The following TMEM117 variants were observed in gnomAD, a reference collection of about 807,000 sequenced individuals.
TMEM117 encodes the protein transmembrane protein 117.
In TMEM117, 27 loss-of-function variants were observed where a neutral mutation model predicts 52.4. The ratio of observed to expected loss-of-function variants is 0.51; its 90% confidence interval spans 0.38 to 0.71. The LOEUF (loss-of-function observed/expected upper bound fraction) is 0.71. Among genes scored for constraint, TMEM117 ranks in the 30% least tolerant of loss-of-function variants. TMEM117 has a pLI of 0.00. For missense variants in TMEM117, 556 were observed against 630.5 expected (o/e 0.88, Z 1.26); for synonymous variants, 215 against 206.3 (o/e 1.04, Z -0.36).
intron 6 of TMEM117, among the ~76,000 whole-genome samples, chr12:44,371,166 C>T (rs551120133): frequency 2.4e-4 from 36 of 152,136 alleles, no homozygotes; most frequent in Non-Finnish European, 4.3e-4. Context: ...ATCTGAAATT[C>T]GGTTGCTAGG....
chr12:43,833,146 T>C (rs1207102214), upstream of TMEM117, among the ~76,000 whole-genome samples: 1 of 152,228 alleles, frequency 6.6e-6, no homozygotes, highest in African/African-American at 2.4e-5. Flanking sequence ...CTGAGGTTTC[T>C]CAACAATAAA....
chr12:43,886,823 C>G (rs746303769), intron 2 of TMEM117, among the ~76,000 whole-genome samples: 3 of 152,022 alleles, frequency 2.0e-5, no homozygotes, highest in Admixed American at 1.3e-4. Flanking sequence ...TGAATTGTTC[C>G]GCTCTATGTG....
At chr12:44,239,888 A>T (rs1302140954) in intron 5 of TMEM117, among the ~76,000 whole-genome samples, 1 of 152,018 alleles carries the variant, frequency 6.6e-6, no homozygotes, top group Non-Finnish European at 1.5e-5. Flanking sequence ...ACTTTTTTTT[A>T]AATTTCAGTT....
rs554972012 is a variant in TMEM117, at chr12:44,053,859, G to A, written c.411-89666G>A. On this transcript the variant is annotated intron_variant, in intron 3 of 7. Coordinates refer to ENST00000266534, the MANE Select transcript of TMEM117 (RefSeq NM_032256.3). Reference sequence around the variant, plus strand: ...CAAGGGCCTTAGTCAAAAGTGAGAGGAAGAATATTATTTTAACATCTTATT... The same window carrying A: ...CAAGGGCCTTAGTCAAAAGTGAGAGAAAGAATATTATTTTAACATCTTATT... Among the ~76,000 whole-genome samples, 3 of 152,244 alleles carry A rather than the reference G, an allele frequency of 2.0e-5. No individual in the cohort carries two copies. The South Asian group carries it at 6.2e-4, about 32-fold the overall frequency.
At chr12:44,309,329 C>G (rs543967122) in intron 6 of TMEM117, among the ~76,000 whole-genome samples, 1 of 152,146 alleles carries the variant, frequency 6.6e-6, no homozygotes, top group Non-Finnish European at 1.5e-5. Flanking sequence ...ACTACCCCAA[C>G]GGGCAGTTTC....
At chr12:43,928,756 C>A (rs1216559429) in intron 2 of TMEM117, among the ~76,000 whole-genome samples, 20 of 129,550 alleles carry the variant, frequency 1.5e-4, no homozygotes, top group Non-Finnish European at 2.7e-4. Context: ...CCCCCCACCC[C>A]ACAACAGTCC....
chr12:43,803,239 C>T, the TMEM117 span, among the ~76,000 whole-genome samples: 1 of 152,140 alleles, frequency 6.6e-6, no homozygotes, highest in African/African-American at 2.4e-5. Flanking sequence ...AAGATGGTAT[C>T]ATGCAGTTTA....
chr12:44,066,153 G>A (rs1467559104), intron 3 of TMEM117, among the ~76,000 whole-genome samples: 1 of 152,212 alleles, frequency 6.6e-6, no homozygotes, highest in African/African-American at 2.4e-5. Flanking sequence ...ATTGGCACCA[G>A]AGTAGGTTAC....
intron 7 of TMEM117, among the ~76,000 whole-genome samples, chr12:44,386,371 G>A (rs1425631251): frequency 6.6e-6 from 1 of 152,126 alleles, no homozygotes; most frequent in African/African-American, 2.4e-5. Flanking sequence ...TCATATCTGA[G>A]ACAACATTCC....
At chr12:44,035,733 T>C (rs567979896) in intron 3 of TMEM117, among the ~76,000 whole-genome samples, 6 of 152,326 alleles carry the variant, frequency 3.9e-5, no homozygotes, top group Middle Eastern at 3.4e-3. Context: ...CTGACAGTGC[T>C]GAAGTGTTGA....
intron 6 of TMEM117, among the ~76,000 whole-genome samples, chr12:44,329,732 A>G (rs1951243423): frequency 6.6e-6 from 1 of 152,020 alleles, no homozygotes; most frequent in African/African-American, 2.4e-5. Context: ...TGACTACTCT[A>G]TGTACCTCGT....
chr12:44,276,890 T>TTGTGTGTG (rs1393191637), intron 5 of TMEM117, among the ~76,000 whole-genome samples: 1 of 145,184 alleles, frequency 6.9e-6, no homozygotes, highest in African/African-American at 2.7e-5. Context: ...CATGAAAAGT[T>TTGTGTGTG]TGTGTGTGTG....
At chr12:44,004,571 T>C (rs899464254) in intron 3 of TMEM117, among the ~76,000 whole-genome samples, 4 of 152,146 alleles carry the variant, frequency 2.6e-5, no homozygotes, top group African/African-American at 9.6e-5. Context: ...CCTTTGGGAA[T>C]ATAATGAGAT....
At chr12:44,248,263 A>T (rs555603920) in intron 5 of TMEM117, among the ~76,000 whole-genome samples, 5 of 152,270 alleles carry the variant, frequency 3.3e-5, no homozygotes, top group South Asian at 2.1e-4. Context: ...GGGAGGGTGC[A>T]CCATTTACAT....
the TMEM117 span, chr12:43,802,492 G>A: frequency 2.6e-6 from 4 of 1,552,272 alleles, no homozygotes; most frequent in South Asian, 2.3e-5. Flanking sequence ...TAGAAAGATA[G>A]GTAAATGGTT....
chr12:43,826,382 C>A, the TMEM117 span, among the ~76,000 whole-genome samples: 2 of 152,114 alleles, frequency 1.3e-5, no homozygotes, highest in Admixed American at 6.5e-5. Flanking sequence ...AGCTCAGTAC[C>A]CCCTGAGGCT....
chr12:44,158,150 T>C (rs1019161500), intron 4 of TMEM117, among the ~76,000 whole-genome samples: 1 of 152,084 alleles, frequency 6.6e-6, no homozygotes, highest in Non-Finnish European at 1.5e-5. Context: ...GGAAGCAAAT[T>C]TGGGAAGTAG....
At chr12:44,241,459 T>G (rs1330251134) in intron 5 of TMEM117, among the ~76,000 whole-genome samples, 1 of 151,984 alleles carries the variant, frequency 6.6e-6, no homozygotes, top group African/African-American at 2.4e-5. Context: ...ATAATTTTCT[T>G]ATTATTTGGT....
chr12:44,170,542 A>T (rs1949031215), intron 4 of TMEM117, among the ~76,000 whole-genome samples: 1 of 152,016 alleles, frequency 6.6e-6, no homozygotes, highest in South Asian at 2.1e-4. Flanking sequence ...AAAATGTGAG[A>T]CCTCCAACTT....
Sources: allele counts gnomAD v4.1 joint callset (sites outside exome capture counted in the v4.1 genomes callset), GRCh38; gene constraint gnomAD v4.1.1; transcripts MANE v1.5; gene names NCBI Gene and HGNC (gene_info 2026-07-23, HGNC 2026-07-21).